LUZP4: variants seen among roughly 807,000 people sequenced by gnomAD.
The protein encoded by LUZP4 is HOM-TES-85 tumor antigen.
A neutral mutation model predicts 8.5 loss-of-function variants in LUZP4; 11 were observed. The ratio of observed to expected loss-of-function variants is 1.30; its 90% CI spans 0.82 to 2.14. The LOEUF (loss-of-function observed/expected upper bound fraction) is 2.14. Among genes scored for constraint, LUZP4 ranks in the 30% most tolerant of loss-of-function variants. The probability of loss-of-function intolerance (pLI) is 0.00; values close to 1 mark genes in which losing one functional copy is unlikely to be tolerated. For missense variants in LUZP4, 276 were observed against 229.7 expected (o/e 1.20, Z -1.30); for synonymous variants, 104 against 79.4 (o/e 1.31, Z -1.65).
chrX:115,306,322 G>T lies in LUZP4; in HGVS notation c.460G>T (p.Glu154Ter). The T allele has an allele frequency of 1.7e-6, 2 of 1,211,455 alleles. No homozygotes were observed. The highest frequency in any genetic ancestry group is 3.5e-5 in the South Asian group (2 of 56,960). ...DKSEESQGQP[E>*]ENHHSERSRN... ...ATCAGAAGAATCCCAGGGCCAACCA[G>T]AAGAAAATCATCATTCTGAGCGATC... The change falls in exon 4 of 4, where the codon GAA (glutamate) becomes TAA (stop). Residue 154 changes from glutamate to a stop codon, truncating the protein, a stop_gained. Coordinates refer to ENST00000371920, the MANE Select transcript of LUZP4 (RefSeq NM_016383.5). LOFTEE classifies it low-confidence loss of function (END_TRUNC).
intron 1 of LUZP4, among the ~76,000 whole-genome samples, 186 bp downstream of exon 1, chrX:115,290,036 C>T (rs2073341527): frequency 9.0e-6 from 1 of 110,651 alleles, no homozygotes; most frequent in Non-Finnish European, 1.9e-5. Context: ...TGGCCCCTAT[C>T]CCTCCTCTCC....
At chrX:115,290,283 C>G (rs782321475) in intron 1 of LUZP4, among the ~76,000 whole-genome samples, 1 of 111,560 alleles carries the variant, frequency 9.0e-6, no homozygotes, top group Non-Finnish European at 1.9e-5. Context: ...TTCCAGGGCC[C>G]GGAGGAGCAA....
At position 115,289,801 on chromosome X, in the gene LUZP4, G is replaced by A. The variant is rs782550737; in HGVS notation, c.42G>A (p.Pro14=). 4 of 1,209,270 alleles carry A rather than the reference G, an allele frequency of 3.3e-6. No individual in the cohort carries two copies. The highest frequency in any genetic ancestry group is 4.5e-6 in the Non-Finnish European group (4 of 893,679). Residue 14 remains proline (P), a synonymous_variant, in exon 1 of 4, where the codon CCG becomes CCA. Coordinates refer to ENST00000371920, the MANE Select transcript of LUZP4 (RefSeq NM_016383.5). ...FRKLTLSEKV[P]PNHPSRKKVN... is the part of the protein sequence containing the mutation. ...AGCTAACGCTTTCTGAAAAAGTGCC[G>A]CCAAATCATCCCAGTCGGAAAAAGG... is the stretch of plus-strand genomic sequence containing the variant.
rs1415552542 is a variant in LUZP4 at position 115,302,068 on chromosome X, A to G, written c.168A>G (p.Lys56=). Residue 56 remains lysine, a synonymous_variant, in exon 2 of 4, where the codon AAA becomes AAG. Coordinates refer to ENST00000371920, the MANE Select transcript of LUZP4 (RefSeq NM_016383.5). The part of the protein sequence containing the change: ...EEKNKRQNHS[K]KESPSRQQSK... Reference sequence around the variant, plus strand: ...AGAATAAAAGACAGAACCATAGTAAAAAGGAATCGCCTTCAAGACAGCAAT... The same window carrying G: ...AGAATAAAAGACAGAACCATAGTAAGAAGGAATCGCCTTCAAGACAGCAAT... 1.2e-5 allele frequency: 14 copies of G among 1,198,666 alleles called. No individual in the cohort carries two copies. Among genetic ancestry groups the G allele is most frequent in the Admixed American group, 2.3e-5 (1 of 44,439 alleles).
intron 1 of LUZP4, among the ~76,000 whole-genome samples, chrX:115,299,455 A>G (rs2073385705): frequency 9.0e-6 from 1 of 111,346 alleles, no homozygotes; most frequent in African/African-American, 3.3e-5. Flanking sequence ...AAACCTTAGA[A>G]GTCTACCTGG....
At chrX:115,292,753 G>C (rs2073354072) in intron 1 of LUZP4, among the ~76,000 whole-genome samples, 1 of 111,060 alleles carries the variant, frequency 9.0e-6, no homozygotes, top group African/African-American at 3.3e-5. Flanking sequence ...TTTTACCTTT[G>C]GTTGGGTTTT....
intron 1 of LUZP4, among the ~76,000 whole-genome samples, chrX:115,293,303 G>A (rs1268414423): frequency 2.8e-5 from 3 of 109,029 alleles, no homozygotes; most frequent in Non-Finnish European, 5.7e-5. Flanking sequence ...TTTTGAAATG[G>A]GATCTCACTC....
chrX:115,292,778 T>C (rs2073354162), intron 1 of LUZP4, among the ~76,000 whole-genome samples: 1 of 111,417 alleles, frequency 9.0e-6, no homozygotes, highest in Non-Finnish European at 1.9e-5. Flanking sequence ...GATGCCCTTA[T>C]GAGGTTGAGG....
At chrX:115,290,038 C>T (rs782256348) in intron 1 of LUZP4, among the ~76,000 whole-genome samples, 188 bp downstream of exon 1, 1 of 110,775 alleles carries the variant, frequency 9.0e-6, no homozygotes, top group East Asian at 2.9e-4. Context: ...GCCCCTATCC[C>T]TCCTCTCCTC....
chrX:115,295,481 T>C (rs2073366985), intron 1 of LUZP4, among the ~76,000 whole-genome samples: 1 of 110,412 alleles, frequency 9.1e-6, no homozygotes. Context: ...CTGATAAATT[T>C]CCCCATGTTT....
At chrX:115,291,447 G>A in intron 1 of LUZP4, among the ~76,000 whole-genome samples, 1 of 111,151 alleles carries the variant, frequency 9.0e-6, no homozygotes, top group Non-Finnish European at 1.9e-5. Flanking sequence ...AGTGGGAGCT[G>A]AGCTTCAATG....
In LUZP4 at chrX:115,306,291, G is replaced by A. The variant is rs148942179; in HGVS notation, c.429G>A (p.Pro143=). 1.3e-4 allele frequency: 153 copies of A among 1,209,050 alleles called. No individual in the cohort carries two copies. Among genetic ancestry groups the A allele is most frequent in the Non-Finnish European group, 1.6e-4 (141 of 895,031 alleles). The part of the protein sequence containing the change: ...EGNQHQSEGN[P]DKSEESQGQP... ...ACCAGCATCAATCAGAAGGAAATCC[G>A]GACAAATCAGAAGAATCCCAGGGCC... Residue 143 remains proline (P), a synonymous_variant, in exon 4 of 4, where the codon CCG becomes CCA. Coordinates refer to ENST00000371920, the MANE Select transcript of LUZP4 (RefSeq NM_016383.5).
At chrX:115,298,026 C>A (rs1463681019) in intron 1 of LUZP4, among the ~76,000 whole-genome samples, 9 of 107,876 alleles carry the variant, frequency 8.3e-5, no homozygotes, top group African/African-American at 2.7e-4. Flanking sequence ...GTTGGCCAGG[C>A]TGGTTTTGAA....
At chrX:115,306,165 A>G in intron 3 of LUZP4, 40 bp from the exon 4 acceptor site, 2 of 1,164,003 alleles carry the variant, frequency 1.7e-6, no homozygotes, top group Non-Finnish European at 2.3e-6. Flanking sequence ...ATCATGAAGT[A>G]TATGTTTCAT....
At chrX:115,291,173 G>A (rs2073347632) in intron 1 of LUZP4, among the ~76,000 whole-genome samples, 1 of 110,727 alleles carries the variant, frequency 9.0e-6, no homozygotes, top group African/African-American at 3.3e-5. Flanking sequence ...ACGGCTCACT[G>A]TGGCCTCAAG....
intron 2 of LUZP4, 136 bp from the exon 3 acceptor site, chrX:115,303,164 A>G: frequency 5.7e-6 from 2 of 348,014 alleles, no homozygotes; most frequent in Non-Finnish European, 5.2e-6. Flanking sequence ...CTCCCAGATG[A>G]TACCAGAGTA....
chrX:115,299,212 G>C (rs1349139222), intron 1 of LUZP4, among the ~76,000 whole-genome samples: 3 of 110,808 alleles, frequency 2.7e-5, no homozygotes, highest in African/African-American at 9.9e-5. Context: ...CCCTGTGGCC[G>C]CCACCACTAT....
intron 1 of LUZP4, among the ~76,000 whole-genome samples, chrX:115,294,667 CTGAG>C (rs1205186551): frequency 9.0e-6 from 1 of 111,581 alleles, no homozygotes; most frequent in African/African-American, 3.3e-5. Context: ...CTCTGGGAGA[CTGAG>C]AGAGATGGTG....
At chrX:115,298,242 T>A (rs896287243) in intron 1 of LUZP4, among the ~76,000 whole-genome samples, 1 of 111,378 alleles carries the variant, frequency 9.0e-6, no homozygotes, top group Non-Finnish European at 1.9e-5. Flanking sequence ...AATTTTTGTG[T>A]TTTTAGTAGA....
Sources: gnomAD v4.1 joint callset for allele counts (sites outside exome capture counted in the v4.1 genomes callset) on GRCh38, gnomAD v4.1.1 for gene constraint, MANE v1.5 for transcripts, NCBI Gene and HGNC (gene_info 2026-07-23, HGNC 2026-07-21) for gene names.